BLTP1: variants seen among roughly 807,000 people sequenced by gnomAD.
The protein encoded by BLTP1 is bridge-like lipid transfer protein family member 1, also known as fragile site-associated protein.
the BLTP1 span, among the ~76,000 whole-genome samples, chr4:122,326,781 ATAAT>A: frequency 1.3e-5 from 2 of 151,816 alleles, no homozygotes; most frequent in Non-Finnish European, 2.9e-5. Flanking sequence ...AAATTAGAAA[ATAAT>A]TAAAGCATGG....
the BLTP1 span, chr4:122,192,211 G>C: frequency 1.2e-6 from 2 of 1,609,544 alleles, no homozygotes; most frequent in Non-Finnish European, 1.7e-6. Context: ...CCTTTATATT[G>C]TATGTTCTGG....
At chr4:122,317,752 T>G in the BLTP1 span, among the ~76,000 whole-genome samples, 1 of 152,194 alleles carries the variant, frequency 6.6e-6, no homozygotes, top group African/African-American at 2.4e-5. Context: ...ATTTTCCTGT[T>G]GACTTACATT....
At chr4:122,210,110 G>A in the BLTP1 span, 2 of 706,108 alleles carry the variant, frequency 2.8e-6, no homozygotes, top group Non-Finnish European at 3.5e-6. Context: ...GTTGGGCCAA[G>A]CAATTTTCTG....
At chr4:122,175,586 G>A in the BLTP1 span, among the ~76,000 whole-genome samples, 1 of 152,108 alleles carries the variant, frequency 6.6e-6, no homozygotes, top group African/African-American at 2.4e-5. Flanking sequence ...TTCAAAACAT[G>A]TTGTATATGA....
At chr4:122,220,683 G>A in the BLTP1 span, among the ~76,000 whole-genome samples, 1 of 152,006 alleles carries the variant, frequency 6.6e-6, no homozygotes, top group African/African-American at 2.4e-5. Context: ...CTATTTCTGT[G>A]ATCCCAATTA....
chr4:122,361,109 T>C, the BLTP1 span, among the ~76,000 whole-genome samples: 3 of 152,192 alleles, frequency 2.0e-5, no homozygotes, highest in African/African-American at 7.2e-5. Context: ...GTTAAATGAA[T>C]TAACGCAAAA....
chr4:122,348,838 G>A, the BLTP1 span: 4 of 667,274 alleles, frequency 6.0e-6, no homozygotes, highest in Admixed American at 3.5e-5. Flanking sequence ...GTAGATAAAC[G>A]ATATAAAATG....
At chr4:122,274,284 T>C in the BLTP1 span, 8 of 929,432 alleles carry the variant, frequency 8.6e-6, no homozygotes, top group South Asian at 2.9e-5. Context: ...GTAATTTTAA[T>C]ATGAAATGCA....
chr4:122,155,037 T>A, the BLTP1 span: 1 of 601,512 alleles, frequency 1.7e-6, no homozygotes, highest in Non-Finnish European at 2.1e-6. Flanking sequence ...ATTTCATAAC[T>A]AGCTATTGAG....
chr4:122,239,566 A>G, the BLTP1 span: 3 of 1,613,676 alleles, frequency 1.9e-6, no homozygotes, highest in East Asian at 2.2e-5. Flanking sequence ...AATACTCAGG[A>G]TAAGTCAGTA....
chr4:122,324,432 T>C, the BLTP1 span: 1 of 1,608,846 alleles, frequency 6.2e-7, no homozygotes. Flanking sequence ...GTTAGGCTGC[T>C]TCCCTAAAGG....
At chr4:122,258,694 G>GT in the BLTP1 span, 1 of 1,611,456 alleles carries the variant, frequency 6.2e-7, no homozygotes, top group Non-Finnish European at 8.5e-7. Context: ...CTTTTGAACT[G>GT]TTTCAGCCAC....
chr4:122,226,752 G>C, the BLTP1 span: 1 of 1,613,336 alleles, frequency 6.2e-7, no homozygotes, highest in African/African-American at 1.3e-5. Flanking sequence ...TTTTCATGTG[G>C]TATGTCGGGA....
At chr4:122,157,689 G>A in the BLTP1 span, among the ~76,000 whole-genome samples, 1 of 152,214 alleles carries the variant, frequency 6.6e-6, no homozygotes, top group African/African-American at 2.4e-5. Flanking sequence ...TGATCTAGGG[G>A]CTCAACTGGG....
the BLTP1 span, among the ~76,000 whole-genome samples, chr4:122,160,591 C>T: frequency 6.6e-6 from 1 of 152,152 alleles, no homozygotes; most frequent in East Asian, 1.9e-4. Flanking sequence ...GTCATTTGTT[C>T]CAGGCCATCT....
the BLTP1 span, among the ~76,000 whole-genome samples, chr4:122,221,565 T>A: frequency 6.6e-6 from 1 of 152,084 alleles, no homozygotes; most frequent in Non-Finnish European, 1.5e-5. Context: ...TAGTTCTAGG[T>A]CTTCTTATCA....
At chr4:122,311,453 G>T in the BLTP1 span, among the ~76,000 whole-genome samples, 1 of 152,028 alleles carries the variant, frequency 6.6e-6, no homozygotes, top group Non-Finnish European at 1.5e-5. Context: ...GGACAAATTA[G>T]TTTACTAGCT....
chr4:122,285,610 G>A, the BLTP1 span, among the ~76,000 whole-genome samples: 1 of 152,136 alleles, frequency 6.6e-6, no homozygotes, highest in African/African-American at 2.4e-5. Flanking sequence ...TATAGGAGAT[G>A]ACCCTTGATT....
chr4:122,328,443 A>G, the BLTP1 span: 1 of 1,247,934 alleles, frequency 8.0e-7, no homozygotes, highest in East Asian at 2.4e-5. Context: ...CAGCTTTTAC[A>G]AAAAACATTT....
Sources: allele counts gnomAD v4.1 joint callset (sites outside exome capture counted in the v4.1 genomes callset), GRCh38; gene constraint gnomAD v4.1.1; transcripts MANE v1.5; gene names NCBI Gene and HGNC (gene_info 2026-07-23, HGNC 2026-07-21).